The following APOBEC3F variants were observed in gnomAD, a reference collection of about 807,000 sequenced individuals.
The protein encoded by APOBEC3F is DNA dC->dU-editing enzyme APOBEC-3F.
A neutral mutation model predicts 45.8 loss-of-function variants in APOBEC3F; 34 were observed. That is an observed-to-expected ratio of 0.74 (90% CI 0.57 to 0.99). APOBEC3F has a LOEUF of 0.99. APOBEC3F is among the 50% of genes least tolerant of loss of function. APOBEC3F has a pLI of 0.00. For missense variants in APOBEC3F, 459 were observed against 474.1 expected (o/e 0.97, Z 0.30); for synonymous variants, 192 against 174.4 (o/e 1.10, Z -0.80).
chr22:39,042,831 T>A, intron 1 of APOBEC3F, 106 bp from the exon 2 acceptor site: 1 of 1,502,402 alleles, frequency 6.7e-7, no homozygotes, highest in Middle Eastern at 2.1e-4. Context: ...TGTGGAGGGG[T>A]TGGGGAGGCC....
At position 39,040,982 on chromosome 22, in the gene APOBEC3F, C is replaced by T. The variant is rs1467003913; in HGVS notation, c.17+5C>T. The stretch of plus-strand genomic sequence containing the variant: ...AAGGATGAAGCCTCACTTCAGGTAC[C>T]GCTGCCCGCTCTACCCGCTGGGCCC... On this transcript the variant is annotated splice_donor_5th_base_variant and intron_variant, in intron 1 of 6. Transcript: ENST00000308521. 4 of 1,584,514 alleles carry T rather than the reference C, an allele frequency of 2.5e-6. No individual in the cohort carries two copies. The highest frequency in any genetic ancestry group is 1.2e-5 in the South Asian group (1 of 86,934).
chr22:39,052,575 A>G lies in APOBEC3F; in HGVS notation c.1004-2A>G. On this transcript the variant is annotated splice_acceptor_variant, in intron 6 of 6. Transcript: ENST00000308521. LOFTEE classifies it high-confidence loss of function. ...CACTGCTTTCTCCTTGTTTTTTCTC[A>G]GATTTTAAATATTGTTGGGAAAACT... 1.2e-6 allele frequency: 2 copies of G among 1,611,408 alleles called. No homozygotes were observed. Among genetic ancestry groups the G allele is most frequent in the Non-Finnish European group, 1.7e-6 (2 of 1,178,704 alleles).
rs1289454112 is a variant in APOBEC3F at position 39,055,049 on chromosome 22, C to T, written c.*2354C>T. ...CTTTCCTCTATGAACCTGTACTGTA[C>T]CTCTGGGGTCTCTCTGCTTCCAAAT... On this transcript the variant is annotated 3_prime_UTR_variant, in exon 7 of 7. Transcript: ENST00000308521. 5.9e-5 allele frequency among the ~76,000 whole-genome samples: 9 copies of T among 151,604 alleles called. No homozygotes were observed. Among genetic ancestry groups the T allele is most frequent in the Non-Finnish European group, 1.0e-4 (7 of 67,982 alleles).
rs1389451256 is a variant in APOBEC3F, at chr22:39,054,627, C to G, written c.*1932C>G. ...GTGAGCCACAGCGCCTAGCCCATTT[C>G]TCCTTTTAATAGGACCTGTTGCTGT... On this transcript the variant is annotated 3_prime_UTR_variant, in exon 7 of 7. Coordinates refer to ENST00000308521, the MANE Select transcript of APOBEC3F (RefSeq NM_145298.6). Among the ~76,000 whole-genome samples the G allele has an allele frequency of 6.6e-6, 1 of 152,234 alleles. No individual in the cohort carries two copies. The highest frequency in any genetic ancestry group is 2.4e-5 in the African/African-American group (1 of 41,456).
rs2146352752 is a variant in APOBEC3F, at chr22:39,053,425, A to G, written c.*730A>G. The G allele has an allele frequency of 6.6e-6, 1 of 151,756 alleles. No individual in the cohort carries two copies. The highest frequency in any genetic ancestry group is 1.9e-4 in the East Asian group (1 of 5,156). The allele number at this position is 151,756 out of a possible 1,614,324, so 9.4% of individuals were successfully genotyped here. On this transcript the variant is annotated 3_prime_UTR_variant, in exon 7 of 7. Transcript: ENST00000308521. ...GGAATTCGAGACCAGCCTGGGCCAC[A>G]TGACAAAGCCCCATCTCTACAAAAA...
At chr22:39,044,428 T>C in intron 2 of APOBEC3F, 1 of 1,358,394 alleles carries the variant, frequency 7.4e-7, no homozygotes, top group Non-Finnish European at 9.5e-7. Context: ...GCTCGAGTTC[T>C]GGCCTCTGGG....
chr22:39,049,028 C>A (rs1927354637), intron 4 of APOBEC3F, among the ~76,000 whole-genome samples: 1 of 151,580 alleles, frequency 6.6e-6, no homozygotes, highest in African/African-American at 2.4e-5. Flanking sequence ...TAGCCTGGGC[C>A]TGGGAATTCG....
chr22:39,045,024 C>G lies in APOBEC3F; in HGVS notation c.255C>G (p.Phe85Leu). 1 of 1,614,028 alleles carries G rather than the reference C, an allele frequency of 6.2e-7. No individual in the cohort carries two copies. Among genetic ancestry groups the G allele is most frequent in the Non-Finnish European group, 8.5e-7 (1 of 1,179,996 alleles). Residue 85 changes from phenylalanine (F) to leucine (L), a missense_variant, in exon 3 of 7, where the codon TTC (phenylalanine) becomes TTG (leucine). Coordinates refer to ENST00000308521, the MANE Select transcript of APOBEC3F (RefSeq NM_145298.6). ...CGNQLPAYKCFQITWFVSWTP... is the reference protein window; with the variant it reads ...CGNQLPAYKCLQITWFVSWTP... ...ACCAGCTGCCTGCTTACAAGTGTTT[C>G]CAGATCACCTGGTTTGTATCCTGGA...
Position 39,052,959 on chromosome 22 carries a change from CT to C in APOBEC3F, c.*268del. ...CTGAGCCTGCATGCCCCTAACCTGC[CT>C]TTTCCCATCTCCCCAGCATAACCTA... On this transcript the variant is annotated 3_prime_UTR_variant, in exon 7 of 7. Transcript: ENST00000308521. The C allele has an allele frequency of 7.2e-6, 4 of 558,696 alleles. No individual in the cohort carries two copies. The highest frequency in any genetic ancestry group is 1.0e-5 in the Non-Finnish European group (4 of 381,334). 34.6% of individuals were successfully genotyped at this position (558,696 alleles called of 1,614,324 possible).
At chr22:39,044,445 A>G (rs572397229) in intron 2 of APOBEC3F, 2 of 1,292,026 alleles carry the variant, frequency 1.5e-6, no homozygotes, top group Non-Finnish European at 1.0e-6. Flanking sequence ...TGGGAAGTCC[A>G]CTGTCAATGC....
intron 5 of APOBEC3F, 99 bp downstream of exon 5, chr22:39,049,680 G>A: frequency 2.6e-6 from 3 of 1,169,906 alleles, no homozygotes; most frequent in Non-Finnish European, 3.6e-6. Context: ...TTTCCTGTGT[G>A]TACTTTCCTC....
chr22:39,044,366 C>T, intron 2 of APOBEC3F: 2 of 1,392,678 alleles, frequency 1.4e-6, no homozygotes, highest in East Asian at 5.3e-5. Flanking sequence ...TGTGATGATG[C>T]TTCAACAGCA....
intron 1 of APOBEC3F, among the ~76,000 whole-genome samples, chr22:39,041,184 C>T (rs1163944082): frequency 1.3e-5 from 2 of 152,090 alleles, no homozygotes; most frequent in African/African-American, 4.8e-5. Context: ...GCCGCTTCCC[C>T]ACCTGCCCCA....
intron 5 of APOBEC3F, 90 bp from the exon 6 acceptor site, chr22:39,051,984 C>T (rs1344588971): frequency 1.3e-6 from 2 of 1,541,228 alleles, no homozygotes; most frequent in East Asian, 2.3e-5. Flanking sequence ...CCTGGGGCTC[C>T]AGGCCCGCCC....
chr22:39,046,426 C>G (rs1030491922), intron 4 of APOBEC3F, among the ~76,000 whole-genome samples: 16 of 152,046 alleles, frequency 1.1e-4, no homozygotes, highest in African/African-American at 2.4e-4. Context: ...CCAGGCGAGT[C>G]CTGCCCTGAC....
chr22:39,045,457 T>C lies in APOBEC3F; in HGVS notation c.481T>C (p.Tyr161His), dbSNP rs1927167757. The change falls in exon 4 of 7, where the codon TAC (tyrosine) becomes CAC (histidine). Residue 161 changes from tyrosine to histidine, a missense_variant. Tyr to His is a moderately conservative substitution (Grantham distance 83). Transcript: ENST00000308521. ...EFAYCWENFVYSEGQPFMPWY... is the reference protein window; with the variant it reads ...EFAYCWENFVHSEGQPFMPWY... ...TGCATACTGCTGGGAAAACTTTGTG[T>C]ACAGTGAAGGTCAGCCATTCATGCC... is the stretch of plus-strand genomic sequence containing the variant. 1 of 1,614,004 alleles carries C rather than the reference T, an allele frequency of 6.2e-7. No individual in the cohort carries two copies.
At chr22:39,049,665 TG>T (rs1209816162) in intron 5 of APOBEC3F, 84 bp downstream of exon 5, 24 of 1,487,928 alleles carry the variant, frequency 1.6e-5, no homozygotes. Flanking sequence ...GTGCCTGGCG[TG>T]GGCTTTCCTG....
chr22:39,041,164 T>C (rs1384982913), intron 1 of APOBEC3F, among the ~76,000 whole-genome samples, 187 bp downstream of exon 1: 1 of 151,390 alleles, frequency 6.6e-6, no homozygotes, highest in Non-Finnish European at 1.5e-5. Context: ...CCACTGCTGC[T>C]TCTGAATAGG....
intron 2 of APOBEC3F, chr22:39,044,177 C>A: frequency 6.2e-7 from 1 of 1,605,658 alleles, no homozygotes; most frequent in Non-Finnish European, 8.5e-7. Context: ...GTCCAGTGGC[C>A]TCCCCAGCTG....
Sources: gnomAD v4.1 joint callset for allele counts (sites outside exome capture counted in the v4.1 genomes callset) on GRCh38, gnomAD v4.1.1 for gene constraint, MANE v1.5 for transcripts, NCBI Gene and HGNC (gene_info 2026-07-23, HGNC 2026-07-21) for gene names.